Variants in PDZD8 observed in about 807,000 individuals in gnomAD.
The protein encoded by PDZD8 is PDZ domain containing 8.
A neutral mutation model predicts 85.8 loss-of-function variants in PDZD8; 14 were observed. The observed-to-expected ratio is 0.16, with a 90% CI of 0.11 to 0.26. The LOEUF (loss-of-function observed/expected upper bound fraction) is 0.26, where lower values mean the gene tolerates loss of function less well. PDZD8 is among the 10% of genes least tolerant of loss of function. The pLI, the probability that PDZD8 is intolerant of heterozygous loss-of-function variation, is 1.00. For synonymous variants in PDZD8, 592 were observed against 568.6 expected (o/e 1.04, Z -0.59); for missense variants, 1,197 against 1,424.3 (o/e 0.84, Z 2.57).
chr10:117,282,865 A>C lies in PDZD8; in HGVS notation c.*403T>G. ...TTGGGCATGCAGCAAATTTGTTATAACCATGATGGAAATGAAAATATTTTA... is the reference window on the plus strand; with the variant it reads ...TTGGGCATGCAGCAAATTTGTTATACCCATGATGGAAATGAAAATATTTTA... On this transcript the variant is annotated 3_prime_UTR_variant, in exon 5 of 5. Coordinates refer to ENST00000334464, the MANE Select transcript of PDZD8 (RefSeq NM_173791.5). 6.3e-6 allele frequency: 1 copy of C among 158,162 alleles called. No homozygotes were observed. The highest frequency in any genetic ancestry group is 1.4e-5 in the Non-Finnish European group (1 of 72,276). 9.8% of individuals were successfully genotyped at this position (158,162 alleles called of 1,614,324 possible).
Position 117,339,128 on chromosome 10 carries a change from CAAAAAAAAAAAA to C in PDZD8, c.995+1840_995+1851del, listed in dbSNP as rs71013660. ...AATCCTGAGTCACCCTGGACTTAAC[CAAAAAAAAAAAA>C]AAAAAAAAAAAAGGATTAAGTATAT... On this transcript the variant is annotated intron_variant, in intron 2 of 4. Transcript: ENST00000334464. Among the ~76,000 whole-genome samples, 80 of 129,374 alleles carry C rather than the reference CAAAAAAAAAAAA, an allele frequency of 6.2e-4. 1 individual carries two copies. In the South Asian group the frequency reaches 7.0e-3, roughly 11 times the overall value. 84.9% of individuals were successfully genotyped at this position (129,374 alleles called of 152,430 possible).
intron 1 of PDZD8, among the ~76,000 whole-genome samples, chr10:117,367,177 G>T (rs1001609870): frequency 6.6e-6 from 1 of 152,162 alleles, no homozygotes; most frequent in Non-Finnish European, 1.5e-5. Flanking sequence ...TTGGGAGGCT[G>T]AGGCGGGGGG....
At chr10:117,324,189 C>T (rs1382621522) in intron 2 of PDZD8, among the ~76,000 whole-genome samples, 2 of 115,418 alleles carry the variant, frequency 1.7e-5, no homozygotes, top group Non-Finnish European at 3.2e-5. Context: ...GATGGTCCAG[C>T]GTGAGCAAGA....
At chr10:117,334,910 A>T (rs1844491242) in intron 2 of PDZD8, among the ~76,000 whole-genome samples, 1 of 152,158 alleles carries the variant, frequency 6.6e-6, no homozygotes. Flanking sequence ...TGGGAAAATG[A>T]AACAGCCCAA....
intron 2 of PDZD8, among the ~76,000 whole-genome samples, chr10:117,323,165 A>T (rs1844256980): frequency 2.6e-5 from 4 of 152,220 alleles, no homozygotes; most frequent in Admixed American, 2.6e-4. Context: ...TAAGAAATGT[A>T]CTTGAATCCC....
intron 3 of PDZD8, among the ~76,000 whole-genome samples, chr10:117,290,787 C>T (rs994294195): frequency 1.1e-4 from 17 of 149,794 alleles, no homozygotes; most frequent in Non-Finnish European, 2.1e-4. Flanking sequence ...CTGAATCTTG[C>T]TTTTTTCAAA....
rs363303 is a variant in PDZD8 at position 117,290,482 on chromosome 10, A to T, written c.1099-134T>A. 8.5e-6 allele frequency: 5 copies of T among 589,692 alleles called. No homozygotes were observed. In the East Asian group the frequency reaches 9.0e-5, roughly 11 times the overall value. The allele number at this position is 589,692 out of a possible 1,614,324, so 36.5% of individuals were successfully genotyped here. The stretch of plus-strand genomic sequence containing the variant: ...CTTTTCTATCATGGCAAATAAAGGA[A>T]GGAGAAAATCTTTACTGTAACAATA... On this transcript the variant is annotated intron_variant, in intron 3 of 4. Coordinates refer to ENST00000334464, the MANE Select transcript of PDZD8 (RefSeq NM_173791.5).
intron 1 of PDZD8, among the ~76,000 whole-genome samples, chr10:117,368,366 T>C (rs547144438): frequency 6.6e-6 from 1 of 152,308 alleles, no homozygotes; most frequent in Non-Finnish European, 1.5e-5. Flanking sequence ...TAATGCACAA[T>C]GCCATTGTCT....
At chr10:117,301,857 T>C (rs1843853359) in intron 3 of PDZD8, among the ~76,000 whole-genome samples, 1 of 152,116 alleles carries the variant, frequency 6.6e-6, no homozygotes, top group Admixed American at 6.6e-5. Context: ...CCCTCCCTTT[T>C]TCCTCTAATT....
At chr10:117,302,725 C>A (rs2794418) in intron 3 of PDZD8, among the ~76,000 whole-genome samples, 1 of 151,872 alleles carries the variant, frequency 6.6e-6, no homozygotes, top group Non-Finnish European at 1.5e-5. Context: ...CCCAGGGGGG[C>A]GTAATTGAAT....
chr10:117,293,585 A>G (rs1843702966), intron 3 of PDZD8, among the ~76,000 whole-genome samples: 1 of 152,116 alleles, frequency 6.6e-6, no homozygotes, highest in Non-Finnish European at 1.5e-5. Flanking sequence ...CCTTATAAGC[A>G]TATCTCTTTG....
intron 4 of PDZD8, among the ~76,000 whole-genome samples, chr10:117,287,998 T>A (rs1046793929): frequency 2.6e-5 from 4 of 152,248 alleles, no homozygotes; most frequent in Non-Finnish European, 5.9e-5. Context: ...TCATTTTTTA[T>A]GACTAAAAAT....
chr10:117,283,592 A>T lies in PDZD8; in HGVS notation c.3141T>A (p.Ile1047=). ...AATTATTGTGTTCCAACTCCTGATC[A>T]ATTTCATTCTGTAGCTTATCCAACA... ...EFMLDKLQNE[I]DQELEHNNSL... is the part of the protein sequence containing the mutation. The change falls in exon 5 of 5, where the codon ATT becomes ATA. Residue 1047 remains isoleucine (I), a synonymous_variant. Transcript: ENST00000334464. 6.2e-7 allele frequency: 1 copy of T among 1,614,102 alleles called. No individual in the cohort carries two copies. Among genetic ancestry groups the T allele is most frequent in the Non-Finnish European group, 8.5e-7 (1 of 1,180,006 alleles).
At chr10:117,354,674 G>A (rs1844862565) in intron 1 of PDZD8, among the ~76,000 whole-genome samples, 1 of 152,110 alleles carries the variant, frequency 6.6e-6, no homozygotes, top group South Asian at 2.1e-4. Context: ...CCTTTCTAAG[G>A]GAGAGAGTAG....
intron 1 of PDZD8, among the ~76,000 whole-genome samples, chr10:117,344,912 T>C (rs531117956): frequency 7.2e-5 from 11 of 152,266 alleles, no homozygotes; most frequent in African/African-American, 2.4e-4. Context: ...ACACTGAGAA[T>C]ACTGGAACCC....
intron 3 of PDZD8, among the ~76,000 whole-genome samples, chr10:117,316,396 G>C (rs926325503): frequency 1.1e-4 from 17 of 152,156 alleles, no homozygotes; most frequent in Admixed American, 9.2e-4. Context: ...GTCATGGCCA[G>C]GTGTGACAGC....
rs1467881270 is a variant in PDZD8, at chr10:117,280,611, ATACTC to A, written c.*2652_*2656del. ...TTTCATTGAAGCTTTGTACCTTACT[ATACTC>A]TAGGCTATTTGGAGTGTTCCCCCAC... is the stretch of plus-strand genomic sequence containing the variant. On this transcript the variant is annotated 3_prime_UTR_variant, in exon 5 of 5. Transcript: ENST00000334464. 1 of 152,186 alleles carries A rather than the reference ATACTC, an allele frequency of 6.6e-6. No individual in the cohort carries two copies. Among genetic ancestry groups the A allele is most frequent in the African/African-American group, 2.4e-5 (1 of 41,444 alleles). 9.4% of individuals were successfully genotyped at this position (152,186 alleles called of 1,614,324 possible).
chr10:117,285,196 C>T lies in PDZD8; in HGVS notation c.1537G>A (p.Asp513Asn), dbSNP rs1451107078. 6.2e-7 allele frequency: 1 copy of T among 1,614,192 alleles called. No individual in the cohort carries two copies. Among genetic ancestry groups the T allele is most frequent in the South Asian group, 1.1e-5 (1 of 91,086 alleles). Reference protein sequence around the residue: ...SDVRAQNEFKDEAQSLSHSPK... With the variant: ...SDVRAQNEFKNEAQSLSHSPK... ...CTATGACTTAATGATTGTGCCTCAT[C>T]TTTGAACTCATTTTGTGCTCTGACA... Residue 513 changes from aspartate to asparagine, a missense_variant, in exon 5 of 5, where the codon GAT becomes AAT. Physicochemically the swap from Asp to Asn is conservative, Grantham distance 23. Transcript: ENST00000334464.
Position 117,284,264 on chromosome 10 carries a change from A to T in PDZD8, c.2469T>A (p.Val823=). 6.2e-7 allele frequency: 1 copy of T among 1,614,122 alleles called. No individual in the cohort carries two copies. The highest frequency in any genetic ancestry group is 1.7e-5 in the Admixed American group (1 of 60,014). Residue 823 remains valine (V), a synonymous_variant, in exon 5 of 5, where the codon GTT becomes GTA. Transcript: ENST00000334464. ...KEPHLVEEVS[V]LPKEEQFVGQ... is the part of the protein sequence containing the mutation. The stretch of plus-strand genomic sequence containing the variant: ...CAACAAATTGCTCCTCTTTAGGGAG[A>T]ACAGAAACTTCTTCAACCAAATGGG...
Sources: allele counts gnomAD v4.1 joint callset (sites outside exome capture counted in the v4.1 genomes callset), GRCh38; gene constraint gnomAD v4.1.1; transcripts MANE v1.5; gene names NCBI Gene and HGNC (gene_info 2026-07-23, HGNC 2026-07-21).